The following WAPL variants were observed in gnomAD, a reference collection of about 807,000 sequenced individuals.
WAPL encodes the protein WAPL cohesin release factor, also known as wings apart-like protein homolog.
Under a neutral mutation model 121.0 loss-of-function variants are expected in WAPL, and 5 were observed. The observed-to-expected ratio is 0.04, with a 90% CI of 0.02 to 0.09. WAPL has a LOEUF of 0.09. Among genes scored for constraint, WAPL ranks in the 10% least tolerant of loss-of-function variants. The probability of loss-of-function intolerance (pLI) is 1.00; values close to 1 mark genes in which losing one functional copy is unlikely to be tolerated. For missense variants in WAPL, 999 were observed against 1,410.8 expected, an observed-to-expected ratio of 0.71 and a Z score of 4.68; for synonymous variants, 480 against 481.5, an observed-to-expected ratio of 1.00 and a Z score of 0.04.
In WAPL at chr10:86,467,407, A is replaced by G; in HGVS notation, c.2242T>C (p.Leu748=). Residue 748 remains leucine, a synonymous_variant, in exon 9 of 19, where the codon TTG becomes CTG. Coordinates refer to ENST00000298767, the MANE Select transcript of WAPL (RefSeq NM_015045.5). ...GATGAAGCATCTTGTTCCAGTTCCA[A>G]AAGTCGAATCATTAGATCTAAGCTA... ...RASLDLMIRL[L]ELEQDASSAK... The G allele has an allele frequency of 6.2e-7, 1 of 1,614,110 alleles. No homozygotes were observed. The highest frequency in any genetic ancestry group is 8.5e-7 in the Non-Finnish European group (1 of 1,180,014).
intron 4 of WAPL, among the ~76,000 whole-genome samples, chr10:86,486,904 C>T (rs1419400338): frequency 6.6e-6 from 1 of 152,054 alleles, no homozygotes; most frequent in Non-Finnish European, 1.5e-5. Flanking sequence ...TGCAGTGAGA[C>T]ATGATCACAC....
Position 86,521,507 on chromosome 10 carries a change from GT to G in WAPL, c.-166del. On this transcript the variant is annotated 5_prime_UTR_variant, in exon 1 of 19. Transcript: ENST00000298767. ...AGAGAGGCGAGGGACTCTGCTTTCG[GT>G]AAATAGGAAGCCCGGTTGGGGGGGC... The G allele has an allele frequency of 2.8e-6, 1 of 357,630 alleles. No individual in the cohort carries two copies. The highest frequency in any genetic ancestry group is 2.1e-5 in the South Asian group (1 of 46,580). The allele number at this position is 357,630 out of a possible 1,614,324, so 22.2% of individuals were successfully genotyped here.
intron 16 of WAPL, among the ~76,000 whole-genome samples, chr10:86,444,892 C>CAAAAAAAAAAAA (rs35307250): frequency 4.4e-5 from 3 of 68,198 alleles, no homozygotes; most frequent in Non-Finnish European, 8.4e-5. Context: ...GTTATTACGC[C>CAAAAAAAAAAAA]AAAAAAAAAA....
At chr10:86,484,673 T>C (rs1841888174) in intron 4 of WAPL, among the ~76,000 whole-genome samples, 1 of 152,210 alleles carries the variant, frequency 6.6e-6, no homozygotes, top group Non-Finnish European at 1.5e-5. Context: ...TCCTGCAAGC[T>C]CCATTCATGG....
Position 86,500,506 on chromosome 10 carries a change from A to G in WAPL, c.737T>C (p.Ile246Thr), listed in dbSNP as rs544339822. Residue 246 changes from isoleucine to threonine, a missense_variant, in exon 3 of 19, where the codon ATC becomes ACC. Physicochemically the swap from Ile to Thr is moderately conservative, Grantham distance 89. Around this residue, in one of 7 missense-constraint regions of WAPL, gnomAD observed 531 missense variants for 563.1 expected, o/e 0.94. Coordinates refer to ENST00000298767, the MANE Select transcript of WAPL (RefSeq NM_015045.5). Reference sequence around the variant, plus strand: ...ACTTAAAATACAGTCTTCTGATCTGATATCTTCAAAATCATTATCCCATTC... The same window carrying G: ...ACTTAAAATACAGTCTTCTGATCTGGTATCTTCAAAATCATTATCCCATTC... Reference protein sequence around the residue: ...LFEWDNDFEDIRSEDCILSLD... With the variant: ...LFEWDNDFEDTRSEDCILSLD... 4.1e-5 allele frequency: 66 copies of G among 1,614,162 alleles called. No individual in the cohort carries two copies. Among genetic ancestry groups the G allele is most frequent in the South Asian group, 3.3e-4 (30 of 91,076 alleles).
At chr10:86,506,203 C>T (rs781534486) in intron 2 of WAPL, among the ~76,000 whole-genome samples, 2 of 152,134 alleles carry the variant, frequency 1.3e-5, no homozygotes, top group Non-Finnish European at 2.9e-5. Context: ...TTACTGTACT[C>T]CAGTCTGGGC....
At chr10:86,441,078 C>T (rs115907121) in intron 17 of WAPL, among the ~76,000 whole-genome samples, 112 of 152,160 alleles carry the variant, frequency 7.4e-4, no homozygotes, top group African/African-American at 2.6e-3. Context: ...AACTAATGCC[C>T]CCCTCCTATA....
intron 4 of WAPL, among the ~76,000 whole-genome samples, chr10:86,486,888 C>T (rs1013434855): frequency 6.6e-6 from 1 of 151,940 alleles, no homozygotes; most frequent in Non-Finnish European, 1.5e-5. Context: ...CCCAGGAAGT[C>T]GAGGCTGCAG....
At chr10:86,442,996 T>C (rs1189761421) in intron 17 of WAPL, among the ~76,000 whole-genome samples, 2 of 150,308 alleles carry the variant, frequency 1.3e-5, no homozygotes, top group African/African-American at 4.9e-5. Flanking sequence ...TGAGCCGAGA[T>C]TGCGCCACTG....
chr10:86,451,467 C>T (rs1018059328), intron 15 of WAPL, among the ~76,000 whole-genome samples: 1 of 151,872 alleles, frequency 6.6e-6, no homozygotes, highest in African/African-American at 2.4e-5. Flanking sequence ...TTCGGCTCAC[C>T]GCAACTTCCA....
intron 11 of WAPL, among the ~76,000 whole-genome samples, chr10:86,459,383 A>AAGT (rs1841220200): frequency 1.3e-5 from 2 of 152,252 alleles, no homozygotes; most frequent in South Asian, 4.1e-4. Flanking sequence ...TAAAGTTCAT[A>AAGT]AGTAGATTCA....
intron 2 of WAPL, among the ~76,000 whole-genome samples, chr10:86,501,460 C>T (rs562653693): frequency 6.6e-6 from 1 of 152,246 alleles, no homozygotes; most frequent in African/African-American, 2.4e-5. Flanking sequence ...AAATGAGATA[C>T]AAATATGATT....
chr10:86,465,898 C>G (rs1424631430), intron 9 of WAPL, among the ~76,000 whole-genome samples: 1 of 152,070 alleles, frequency 6.6e-6, no homozygotes, highest in Admixed American at 6.6e-5. Context: ...TTGGAAATGT[C>G]TGAAAACCAG....
chr10:86,443,218 G>A, intron 17 of WAPL, 57 bp downstream of exon 17: 2 of 1,351,562 alleles, frequency 1.5e-6, no homozygotes, highest in Non-Finnish European at 2.1e-6. Flanking sequence ...AAGGTATGAA[G>A]TCGTTACATT....
chr10:86,485,015 ATGTGCG>A (rs1243492506), intron 4 of WAPL, among the ~76,000 whole-genome samples: 2 of 151,978 alleles, frequency 1.3e-5, no homozygotes, highest in Non-Finnish European at 2.9e-5. Context: ...GCACACACGC[ATGTGCG>A]TGTGCTCACT....
chr10:86,516,818 G>T (rs1842563845), intron 2 of WAPL, among the ~76,000 whole-genome samples: 1 of 152,106 alleles, frequency 6.6e-6, no homozygotes, highest in East Asian at 1.9e-4. Flanking sequence ...GGGCACGGTG[G>T]CTCATGCCTG....
At chr10:86,466,638 CTGAAA>C (rs1841402875) in intron 9 of WAPL, among the ~76,000 whole-genome samples, 1 of 152,112 alleles carries the variant, frequency 6.6e-6, no homozygotes, top group East Asian at 1.9e-4. Context: ...TGTAAATCCT[CTGAAA>C]TGTTTATCCC....
intron 4 of WAPL, among the ~76,000 whole-genome samples, chr10:86,476,028 A>C (rs759319813): frequency 6.6e-6 from 1 of 152,250 alleles, no homozygotes; most frequent in African/African-American, 2.4e-5. Context: ...ACAAAAAATA[A>C]AATTAAAGAA....
intron 18 of WAPL, 130 bp from the exon 19 acceptor site, chr10:86,437,738 G>C: frequency 9.1e-7 from 1 of 1,096,370 alleles, no homozygotes; most frequent in Non-Finnish European, 1.3e-6. Flanking sequence ...AGATTAAATT[G>C]TGGGTTTGAT....
Sources: gnomAD v4.1 joint callset for allele counts (sites outside exome capture counted in the v4.1 genomes callset) on GRCh38, gnomAD v4.1.1 for gene constraint, gnomAD v4.1.1 regional missense constraint, MANE v1.5 for transcripts, NCBI Gene and HGNC (gene_info 2026-07-23, HGNC 2026-07-21) for gene names.